The following GJB7 variants were observed in gnomAD, a reference collection of about 807,000 sequenced individuals.
The protein encoded by GJB7 is gap junction beta-7 protein.
For synonymous variants in GJB7, 87 were observed against 95.2 expected (o/e 0.91, Z 0.50); for missense variants, 253 against 256.8 (o/e 0.99, Z 0.10).
intron 2 of GJB7, among the ~76,000 whole-genome samples, chr6:87,307,566 G>T (rs928337122): frequency 2.0e-5 from 3 of 152,236 alleles, no homozygotes; most frequent in Non-Finnish European, 4.4e-5. Flanking sequence ...GTGGGCAAAA[G>T]ATATGAACAG....
intron 2 of GJB7, among the ~76,000 whole-genome samples, chr6:87,319,852 A>G (rs529887582): frequency 6.6e-6 from 1 of 152,360 alleles, no homozygotes; most frequent in East Asian, 1.9e-4. Flanking sequence ...CATAAAAAAC[A>G]ATTTGCAACC....
intron 2 of GJB7, 39 bp from the exon 3 acceptor site, chr6:87,284,978 C>T (rs1460240870): frequency 8.0e-7 from 1 of 1,257,602 alleles, no homozygotes. Flanking sequence ...CCATTTATTT[C>T]TATTCTACAG....
intron 2 of GJB7, among the ~76,000 whole-genome samples, chr6:87,320,004 AG>A: frequency 6.6e-6 from 1 of 152,322 alleles, no homozygotes; most frequent in East Asian, 1.9e-4. Context: ...GATGGTTACC[AG>A]AGGCTGGGAA....
chr6:87,305,601 C>A (rs1399562201), intron 2 of GJB7, among the ~76,000 whole-genome samples: 1 of 152,120 alleles, frequency 6.6e-6, no homozygotes, highest in Non-Finnish European at 1.5e-5. Flanking sequence ...GCCATACTGC[C>A]CAAGGTAATT....
chr6:87,321,218 C>G (rs1233247854), intron 2 of GJB7, among the ~76,000 whole-genome samples: 1 of 112,070 alleles, frequency 8.9e-6, no homozygotes, highest in African/African-American at 3.4e-5. Flanking sequence ...CACTCCGACA[C>G]TCCATCTCAA....
Position 87,312,935 on chromosome 6 carries a change from G to GC in GJB7, c.-28+9930dup, listed in dbSNP as rs1430460331. Among the ~76,000 whole-genome samples the GC allele has an allele frequency of 1.5e-4, 23 of 152,336 alleles. No homozygotes were observed. The East Asian group carries it at 1.7e-3, about 12-fold the overall frequency. ...GTGATCTGAAACAGAAATAAGGTGA[G>GC]CATCTTGTTCAGATTAGAAAAACCC... On this transcript the variant is annotated intron_variant, in intron 2 of 2. Coordinates refer to ENST00000525899, the MANE Select transcript of GJB7 (RefSeq NM_198568.3).
chr6:87,287,850 G>T (rs1776090117), intron 2 of GJB7, among the ~76,000 whole-genome samples: 1 of 152,034 alleles, frequency 6.6e-6, no homozygotes, highest in African/African-American at 2.4e-5. Context: ...AGAGGATGAT[G>T]GCATCAAATG....
In GJB7 at chr6:87,284,262, T is replaced by G. The variant is rs1368233607; in HGVS notation, c.651A>C (p.Lys217Asn). 1.2e-6 allele frequency: 2 copies of G among 1,613,340 alleles called. No individual in the cohort carries two copies. The highest frequency in any genetic ancestry group is 8.5e-7 in the Non-Finnish European group (1 of 1,179,632). The change falls in exon 3 of 3, where the codon AAA (lysine) becomes AAC (asparagine). Residue 217 changes from lysine (K) to asparagine (N), a missense_variant. By Grantham distance (94) the Lys-to-Asn change is moderately conservative. Transcript: ENST00000525899. The stretch of plus-strand genomic sequence containing the variant: ...GCACTCACACACTGAGGACTTGAGG[T>G]TTTTTTAAATATTTTTGGAGACAGC... ...IKCCLQKYLK[K>N]PQVLSV
rs1330552837 is a variant in GJB7 at position 87,282,991 on chromosome 6, AC to A, written c.*1249del. ...TGACAGCCAAAGAGCATTGTGAAAT[AC>A]CCTTATTTTTATTCTGAAGAAATGT... On this transcript the variant is annotated 3_prime_UTR_variant, in exon 3 of 3. Coordinates refer to ENST00000525899, the MANE Select transcript of GJB7 (RefSeq NM_198568.3). 2.0e-5 allele frequency: 3 copies of A among 152,238 alleles called. No individual in the cohort carries two copies. The highest frequency in any genetic ancestry group is 4.4e-5 in the Non-Finnish European group (3 of 68,040). The allele number at this position is 152,238 out of a possible 1,614,324, so 9.4% of individuals were successfully genotyped here.
At chr6:87,315,208 A>G (rs1036365336) in intron 2 of GJB7, among the ~76,000 whole-genome samples, 5 of 152,134 alleles carry the variant, frequency 3.3e-5, no homozygotes, top group African/African-American at 1.2e-4. Context: ...TGCTGATTTC[A>G]TCTTCCTAGC....
At chr6:87,293,462 G>GTT (rs567613574) in intron 2 of GJB7, among the ~76,000 whole-genome samples, 3 of 146,518 alleles carry the variant, frequency 2.0e-5, no homozygotes, top group African/African-American at 5.0e-5. Context: ...TTTTGTTTTT[G>GTT]TTTTTTTTTT....
At chr6:87,305,705 G>C (rs1324957876) in intron 2 of GJB7, among the ~76,000 whole-genome samples, 1 of 152,158 alleles carries the variant, frequency 6.6e-6, no homozygotes, top group Non-Finnish European at 1.5e-5. Context: ...CCAAAAAAGA[G>C]CCAGCATTGC....
intron 2 of GJB7, among the ~76,000 whole-genome samples, chr6:87,311,166 G>A (rs1776509024): frequency 6.6e-6 from 1 of 152,230 alleles, no homozygotes; most frequent in Non-Finnish European, 1.5e-5. Flanking sequence ...AAGTATTGCT[G>A]AGAAGATATG....
chr6:87,306,907 A>G (rs1216898520), intron 2 of GJB7, among the ~76,000 whole-genome samples: 1 of 152,222 alleles, frequency 6.6e-6, no homozygotes, highest in East Asian at 1.9e-4. Flanking sequence ...CATCATTCTC[A>G]GTGAACTATC....
At chr6:87,299,656 C>T (rs1431541629) in intron 2 of GJB7, 1 of 177,026 alleles carries the variant, frequency 5.6e-6, no homozygotes, top group Non-Finnish European at 1.2e-5. Context: ...AGTCAAAGCT[C>T]CAGATTTTGG....
At chr6:87,318,299 CTT>C (rs1018846490) in intron 2 of GJB7, among the ~76,000 whole-genome samples, 3 of 152,148 alleles carry the variant, frequency 2.0e-5, no homozygotes, top group African/African-American at 7.2e-5. Flanking sequence ...GGCAAATACT[CTT>C]TGATCCCAGG....
intron 1 of GJB7, among the ~76,000 whole-genome samples, chr6:87,323,565 A>C (rs1431007199): frequency 2.0e-5 from 3 of 151,626 alleles, no homozygotes; most frequent in African/African-American, 7.3e-5. Context: ...GAGAATGATG[A>C]TTTCCAATTT....
chr6:87,317,850 G>A (rs1022913824), intron 2 of GJB7, among the ~76,000 whole-genome samples: 3 of 151,568 alleles, frequency 2.0e-5, no homozygotes, highest in African/African-American at 2.4e-5. Context: ...CTGCTAACCT[G>A]AGCCTAACTA....
chr6:87,315,170 C>T (rs959653128), intron 2 of GJB7, among the ~76,000 whole-genome samples: 1 of 152,084 alleles, frequency 6.6e-6, no homozygotes, highest in African/African-American at 2.4e-5. Flanking sequence ...GCATATTCCC[C>T]GCCGACCCCT....
Sources: allele counts gnomAD v4.1 joint callset (sites outside exome capture counted in the v4.1 genomes callset), GRCh38; gene constraint gnomAD v4.1.1; transcripts MANE v1.5; gene names NCBI Gene and HGNC (gene_info 2026-07-23, HGNC 2026-07-21).